Variants in NFKB1 observed in about 807,000 individuals in gnomAD.
NFKB1 encodes the protein nuclear factor NF-kappa-B p105 subunit.
Under a neutral mutation model 105.1 loss-of-function variants are expected in NFKB1, and 9 were observed. That is an observed-to-expected ratio of 0.09 (90% CI 0.05 to 0.15). The LOEUF is 0.15. NFKB1 is among the 10% of genes least tolerant of loss of function. The pLI, the probability that NFKB1 is intolerant of heterozygous loss-of-function variation, is 1.00. For missense variants in NFKB1, 830 were observed against 1,203.7 expected, an observed-to-expected ratio of 0.69 and a Z score of 4.59; for synonymous variants, 440 against 442.2, an observed-to-expected ratio of 1.00 and a Z score of 0.06.
rs757232492 is a variant in NFKB1, at chr4:102,607,284, G to A, written c.2089G>A (p.Asp697Asn). The A allele has an allele frequency of 2.4e-5, 38 of 1,613,574 alleles. No homozygotes were observed. Among genetic ancestry groups the A allele is most frequent in the Middle Eastern group, 1.6e-4 (1 of 6,082 alleles). The change falls in exon 18 of 24, where the codon GAC becomes AAC. Residue 697 changes from aspartate to asparagine, a missense_variant. Asp to Asn is a conservative substitution (Grantham distance 23). Around this residue, in one of 8 missense-constraint regions of NFKB1, gnomAD observed 418 missense variants for 575.3 expected, o/e 0.73. Transcript: ENST00000226574. Reference sequence around the variant, plus strand: ...AGCACTGCACCTGGCTGTGGAGCACGACAACATCTCATTGGCAGGCTGCCT... The same window carrying A: ...AGCACTGCACCTGGCTGTGGAGCACAACAACATCTCATTGGCAGGCTGCCT... ...RTALHLAVEH[D>N]NISLAGCLLL...
chr4:102,510,003 A>C (rs1373080669), intron 1 of NFKB1, among the ~76,000 whole-genome samples: 1 of 151,932 alleles, frequency 6.6e-6, no homozygotes, highest in East Asian at 1.9e-4. Flanking sequence ...CCTAATCTCA[A>C]ATCCTCCACA....
intron 11 of NFKB1, among the ~76,000 whole-genome samples, chr4:102,585,482 T>C (rs1465801233): frequency 1.3e-5 from 2 of 152,172 alleles, no homozygotes. Context: ...GCTTGCTGTT[T>C]AGGAGAATCA....
At chr4:102,515,117 T>TTTA (rs1333690387) in intron 1 of NFKB1, among the ~76,000 whole-genome samples, 1 of 134,384 alleles carries the variant, frequency 7.4e-6, no homozygotes, top group Non-Finnish European at 1.6e-5. Context: ...ATTTTTTTTT[T>TTTA]TTTTTTTTTT....
chr4:102,578,812 T>A, intron 7 of NFKB1, 69 bp from the exon 8 acceptor site: 1 of 1,520,942 alleles, frequency 6.6e-7, no homozygotes, highest in Non-Finnish European at 9.0e-7. Context: ...ATTTGGGCTT[T>A]ATAAAAGCAT....
chr4:102,593,257 T>C (rs1209580959), intron 11 of NFKB1, 168 bp from the exon 12 acceptor site: 1 of 655,474 alleles, frequency 1.5e-6, no homozygotes, highest in African/African-American at 1.8e-5. Flanking sequence ...TTCATACCCA[T>C]TGGAATAAAT....
intron 5 of NFKB1, among the ~76,000 whole-genome samples, chr4:102,564,487 C>G (rs1723695879): frequency 6.6e-6 from 1 of 152,210 alleles, no homozygotes; most frequent in Non-Finnish European, 1.5e-5. Flanking sequence ...GCCCTGTGGT[C>G]TCTGTGAAAA....
intron 8 of NFKB1, among the ~76,000 whole-genome samples, chr4:102,579,837 C>T (rs1055610488): frequency 6.6e-5 from 10 of 151,820 alleles, no homozygotes; most frequent in African/African-American, 2.4e-4. Context: ...AGAATTTGGC[C>T]TGTGTGGAAA....
At chr4:102,526,923 C>CGT (rs35185023) in intron 2 of NFKB1, among the ~76,000 whole-genome samples, 1,723 of 150,356 alleles carry the variant, frequency 0.011, 35 homozygotes, top group African/African-American at 0.039. Flanking sequence ...CTCTCTTTTT[C>CGT]GTGTGTGTGT....
At chr4:102,614,288 T>G (rs1728729047) in intron 23 of NFKB1, among the ~76,000 whole-genome samples, 1 of 152,086 alleles carries the variant, frequency 6.6e-6, no homozygotes, top group Admixed American at 6.6e-5. Flanking sequence ...AGGAGCCACC[T>G]CTCCCCTGAG....
intron 7 of NFKB1, among the ~76,000 whole-genome samples, chr4:102,577,449 C>G (rs1724938773): frequency 6.6e-6 from 1 of 152,164 alleles, no homozygotes; most frequent in Non-Finnish European, 1.5e-5. Context: ...TTTTACCTTC[C>G]CCAACTCACC....
chr4:102,547,068 G>A (rs1560661020), intron 5 of NFKB1, among the ~76,000 whole-genome samples: 1 of 152,108 alleles, frequency 6.6e-6, no homozygotes, highest in South Asian at 2.1e-4. Flanking sequence ...TAGAAAATAT[G>A]TATGCAAATA....
intron 5 of NFKB1, among the ~76,000 whole-genome samples, chr4:102,547,361 G>A (rs93059): frequency 0.38 from 57,085 of 151,984 alleles, 11,812 homozygotes; most frequent in South Asian, 0.48. Context: ...CCTAGAAAGA[G>A]GTATTACAAC....
At chr4:102,612,910 C>T (rs1405541723) in intron 22 of NFKB1, among the ~76,000 whole-genome samples, 1 of 152,132 alleles carries the variant, frequency 6.6e-6, no homozygotes, top group Non-Finnish European at 1.5e-5. Context: ...CTGTAATCAA[C>T]GTGTAGCTTC....
chr4:102,571,642 A>G (rs1389990885), intron 6 of NFKB1, among the ~76,000 whole-genome samples: 1 of 152,206 alleles, frequency 6.6e-6, no homozygotes, highest in Non-Finnish European at 1.5e-5. Flanking sequence ...TACAAGAAAA[A>G]ATCAAACAAC....
intron 1 of NFKB1, among the ~76,000 whole-genome samples, chr4:102,504,718 G>T (rs1030692861): frequency 1.3e-5 from 2 of 152,108 alleles, no homozygotes; most frequent in Admixed American, 6.5e-5. Context: ...AGTGTTCTTA[G>T]AGGTCAGCAA....
chr4:102,606,470 G>C, intron 16 of NFKB1, 26 bp from the exon 17 acceptor site: 1 of 1,610,900 alleles, frequency 6.2e-7, no homozygotes, highest in East Asian at 2.2e-5. Flanking sequence ...GCTGACCAGT[G>C]AATCTCCTGC....
At chr4:102,570,370 T>A (rs1261720562) in intron 6 of NFKB1, among the ~76,000 whole-genome samples, 1 of 152,210 alleles carries the variant, frequency 6.6e-6, no homozygotes, top group Non-Finnish European at 1.5e-5. Flanking sequence ...TCCATCCATG[T>A]TCCTGCAAAA....
At chr4:102,600,852 A>G in intron 15 of NFKB1, 43 bp from the exon 16 acceptor site, 1 of 1,134,688 alleles carries the variant, frequency 8.8e-7, no homozygotes, top group Non-Finnish European at 1.3e-6. Context: ...TTTCTTTTTC[A>G]TTAACATTTT....
intron 9 of NFKB1, among the ~76,000 whole-genome samples, chr4:102,581,820 T>C (rs547758909): frequency 2.0e-5 from 3 of 152,228 alleles, no homozygotes; most frequent in Non-Finnish European, 4.4e-5. Context: ...TATCATTACA[T>C]TGGAATGGCT....
Sources: gnomAD v4.1 joint callset for allele counts (sites outside exome capture counted in the v4.1 genomes callset) on GRCh38, gnomAD v4.1.1 for gene constraint, gnomAD v4.1.1 regional missense constraint, MANE v1.5 for transcripts, NCBI Gene and HGNC (gene_info 2026-07-23, HGNC 2026-07-21) for gene names.